The following FBXO10 variants were observed in gnomAD, a reference collection of about 807,000 sequenced individuals.
FBXO10 encodes the protein F-box protein 10.
In FBXO10, 39 loss-of-function variants were observed where a neutral mutation model predicts 80.7. The ratio of observed to expected loss-of-function variants is 0.48; its 90% CI spans 0.37 to 0.63. The LOEUF is 0.63. FBXO10 is among the 30% of genes least tolerant of loss of function. The pLI is 0.00. For missense variants in FBXO10, 1,025 were observed against 1,269.0 expected, an observed-to-expected ratio of 0.81 and a Z score of 2.92; for synonymous variants, 449 against 489.6, an observed-to-expected ratio of 0.92 and a Z score of 1.09.
At position 37,536,326 on chromosome 9, in the gene FBXO10, T is replaced by C. The variant is rs369167156; in HGVS notation, c.1419+784A>G. Among the ~76,000 whole-genome samples, 19 of 152,298 alleles carry C rather than the reference T, an allele frequency of 1.2e-4. No homozygotes were observed. In the South Asian group the frequency reaches 3.9e-3, roughly 32 times the overall value. ...TTAGTGGAGAGGTGAGACTCGAATCTAGGTGCTATGCCATGCTTTCTTCTG... is the reference window on the plus strand; with the variant it reads ...TTAGTGGAGAGGTGAGACTCGAATCCAGGTGCTATGCCATGCTTTCTTCTG... On this transcript the variant is annotated intron_variant, in intron 3 of 10. Coordinates refer to ENST00000432825, the MANE Select transcript of FBXO10 (RefSeq NM_012166.3).
intron 7 of FBXO10, chr9:37,522,583 G>C: frequency 7.7e-7 from 1 of 1,291,638 alleles, no homozygotes; most frequent in Non-Finnish European, 9.9e-7. Context: ...CCTGTCTTTT[G>C]CTATTTTAAA....
intron 8 of FBXO10, among the ~76,000 whole-genome samples, chr9:37,521,224 C>T (rs1362336491): frequency 6.6e-6 from 1 of 152,180 alleles, no homozygotes; most frequent in African/African-American, 2.4e-5. Context: ...CTGGCGGCCG[C>T]ACCGTCTCAA....
chr9:37,562,703 A>T (rs1201516314), intron 1 of FBXO10, among the ~76,000 whole-genome samples: 1 of 152,180 alleles, frequency 6.6e-6, no homozygotes, highest in Non-Finnish European at 1.5e-5. Context: ...AGACTACTCA[A>T]ATCATTAGCA....
intron 10 of FBXO10, chr9:37,514,869 C>A (rs899134626): frequency 6.6e-6 from 1 of 151,988 alleles, no homozygotes; most frequent in Non-Finnish European, 1.5e-5. Flanking sequence ...ATACCTACAT[C>A]GGGGGGTTTC....
chr9:37,553,137 C>T (rs1468579381), intron 1 of FBXO10, among the ~76,000 whole-genome samples: 1 of 151,718 alleles, frequency 6.6e-6, no homozygotes, highest in Non-Finnish European at 1.5e-5. Context: ...TGCCTCCTGG[C>T]TTCAAGCAAT....
intron 1 of FBXO10, among the ~76,000 whole-genome samples, chr9:37,572,372 A>G (rs1009720974): frequency 1.8e-4 from 28 of 152,236 alleles, no homozygotes; most frequent in Admixed American, 6.5e-5. Flanking sequence ...GTTCAAATAC[A>G]TCAGAAAATA....
In FBXO10 at chr9:37,538,708, C is replaced by CAAAAAAAAAAAA. The variant is rs34975108; in HGVS notation, c.586-777_586-766dup. Among the ~76,000 whole-genome samples the CAAAAAAAAAAAA allele has an allele frequency of 2.9e-5, 2 of 69,622 alleles. 1 individual carries two copies. Among genetic ancestry groups the CAAAAAAAAAAAA allele is most frequent in the African/African-American group, 7.9e-5 (2 of 25,326 alleles). The allele number at this position is 69,622 out of a possible 152,430, so 45.7% of individuals were successfully genotyped here. A position where few individuals can be genotyped will look rare whatever the true frequency, so the allele number is the denominator to read the frequency against. On this transcript the variant is annotated intron_variant, in intron 2 of 10. Coordinates refer to ENST00000432825, the MANE Select transcript of FBXO10 (RefSeq NM_012166.3). ...GGGCGAAAGAGCAAGACTCGGTGTC[C>CAAAAAAAAAAAA]AAAAAAAAAAAAAAAAAGCATGGGC...
intron 1 of FBXO10, among the ~76,000 whole-genome samples, chr9:37,548,939 G>A (rs772825418): frequency 1.9e-4 from 29 of 152,136 alleles, no homozygotes; most frequent in South Asian, 8.3e-4. Flanking sequence ...TAGTACAGAC[G>A]GGGTTTCACC....
intron 2 of FBXO10, among the ~76,000 whole-genome samples, chr9:37,540,475 C>T (rs1364801819): frequency 6.6e-6 from 1 of 152,012 alleles, no homozygotes; most frequent in African/African-American, 2.4e-5. Flanking sequence ...CTGCACCTGG[C>T]CAAAAATCTT....
chr9:37,512,135 G>A lies in FBXO10; in HGVS notation c.*412C>T, dbSNP rs1821072084. ...AGCTCTAGCAAAGGGGAAAATTCTG[G>A]AGCAGTTGTCTCTCTCCACCTCACT... On this transcript the variant is annotated 3_prime_UTR_variant, in exon 11 of 11. Coordinates refer to ENST00000432825, the MANE Select transcript of FBXO10 (RefSeq NM_012166.3). The A allele has an allele frequency of 1.3e-5, 2 of 154,516 alleles. No homozygotes were observed. The highest frequency in any genetic ancestry group is 2.9e-5 in the Non-Finnish European group (2 of 69,708). 9.6% of individuals were successfully genotyped at this position (154,516 alleles called of 1,614,324 possible).
intron 1 of FBXO10, among the ~76,000 whole-genome samples, chr9:37,564,606 C>T (rs957077358): frequency 3.3e-5 from 5 of 152,248 alleles, no homozygotes; most frequent in African/African-American, 1.2e-4. Flanking sequence ...GGATATGAGA[C>T]ATGCAGTCAA....
In FBXO10 at chr9:37,516,059, G is replaced by A; in HGVS notation, c.2541C>T (p.Phe847=). Residue 847 remains phenylalanine, a synonymous_variant, in exon 10 of 11, where the codon TTC becomes TTT. Coordinates refer to ENST00000432825, the MANE Select transcript of FBXO10 (RefSeq NM_012166.3). ...CCCGCACGGCGATGCCGTAGGCCCGGAACGAGTGGATCCGGTTCTTTATTA... is the reference window on the plus strand; with the variant it reads ...CCCGCACGGCGATGCCGTAGGCCCGAAACGAGTGGATCCGGTTCTTTATTA... ...TKVIKNRIHS[F]RAYGIAVRGR... The A allele has an allele frequency of 6.2e-7, 1 of 1,613,088 alleles. No individual in the cohort carries two copies. Among genetic ancestry groups the A allele is most frequent in the Non-Finnish European group, 8.5e-7 (1 of 1,179,620 alleles).
At position 37,541,791 on chromosome 9, in the gene FBXO10, A is replaced by C. The variant is rs1475445289; in HGVS notation, c.-6-17T>G. The stretch of plus-strand genomic sequence containing the variant: ...CATGGTCACCTAGGAGACAGACACA[A>C]AACAAAAGAGATTTCTGTCTATCCT... On this transcript the variant is annotated splice_polypyrimidine_tract_variant and intron_variant, in intron 1 of 10. Coordinates refer to ENST00000432825, the MANE Select transcript of FBXO10 (RefSeq NM_012166.3). The C allele has an allele frequency of 1.3e-6, 2 of 1,542,058 alleles. No individual in the cohort carries two copies. The highest frequency in any genetic ancestry group is 1.2e-5 in the South Asian group (1 of 82,154).
chr9:37,560,436 TTTG>T (rs1292823747), intron 1 of FBXO10, among the ~76,000 whole-genome samples: 2 of 152,090 alleles, frequency 1.3e-5, no homozygotes, highest in Non-Finnish European at 2.9e-5. Context: ...CCCTTCAGCA[TTTG>T]TTTTCCCCCA....
intron 3 of FBXO10, 60 bp downstream of exon 3, chr9:37,537,050 C>CA: frequency 7.4e-6 from 10 of 1,342,402 alleles, no homozygotes; most frequent in Non-Finnish European, 1.0e-5. Flanking sequence ...ATAGCCCCAT[C>CA]AAACCCTTCC....
intron 1 of FBXO10, among the ~76,000 whole-genome samples, chr9:37,551,581 G>A (rs542480845): frequency 2.7e-4 from 41 of 152,316 alleles, no homozygotes; most frequent in African/African-American, 9.9e-4. Flanking sequence ...GGGTGACCAG[G>A]GAACAGAGGC....
intron 5 of FBXO10, among the ~76,000 whole-genome samples, chr9:37,525,919 T>C (rs1821460780): frequency 6.6e-6 from 1 of 152,132 alleles, no homozygotes; most frequent in Admixed American, 6.5e-5. Context: ...GGGTTCTCGC[T>C]ATGTTGCTCA....
intron 5 of FBXO10, among the ~76,000 whole-genome samples, chr9:37,528,697 TC>T (rs1262858167): frequency 6.6e-6 from 1 of 152,176 alleles, no homozygotes; most frequent in East Asian, 1.9e-4. Context: ...CTCCCACCTA[TC>T]ACTTATATCA....
chr9:37,546,382 G>A (rs1277760075), intron 1 of FBXO10, among the ~76,000 whole-genome samples: 1 of 152,084 alleles, frequency 6.6e-6, no homozygotes, highest in Non-Finnish European at 1.5e-5. Context: ...AGGAGGGGCA[G>A]TTCCTAGGCT....
Sources: gnomAD v4.1 joint callset for allele counts (sites outside exome capture counted in the v4.1 genomes callset) on GRCh38, gnomAD v4.1.1 for gene constraint, MANE v1.5 for transcripts, NCBI Gene and HGNC (gene_info 2026-07-23, HGNC 2026-07-21) for gene names.